The following PSMD13 variants were observed in gnomAD, a reference collection of about 807,000 sequenced individuals.
The protein encoded by PSMD13 is proteasome 26S subunit, non-ATPase 13, also known as 26S proteasome non-ATPase regulatory subunit 13.
Under a neutral mutation model 57.4 loss-of-function variants are expected in PSMD13, and 8 were observed. The ratio of observed to expected loss-of-function variants is 0.14; its 90% CI spans 0.08 to 0.25. PSMD13 has a LOEUF of 0.25. Among genes scored for constraint, PSMD13 ranks in the 10% least tolerant of loss-of-function variants. PSMD13 has a pLI of 1.00. For synonymous variants in PSMD13, 193 were observed against 168.2 expected, an observed-to-expected ratio of 1.15 and a Z score of -1.14; for missense variants, 400 against 461.5, an observed-to-expected ratio of 0.87 and a Z score of 1.22.
Position 248,314 on chromosome 11 carries a change from T to C in PSMD13, c.569-462T>C, listed in dbSNP as rs548410283. 4 of 167,768 alleles carry C rather than the reference T, an allele frequency of 2.4e-5. No homozygotes were observed. The East Asian group carries it at 6.6e-4, about 27-fold the overall frequency. 10.4% of individuals were successfully genotyped at this position (167,768 alleles called of 1,614,324 possible). ...TTGAAGCTAAGGAGACCAGCAACTC[T>C]TAACAGTGTTGATGCAGTTTTTATT... is the stretch of plus-strand genomic sequence containing the variant. On this transcript the variant is annotated intron_variant, in intron 7 of 12. Coordinates refer to ENST00000532097, the MANE Select transcript of PSMD13 (RefSeq NM_002817.4).
chr11:237,180 A>T lies in PSMD13; in HGVS notation c.95+36A>T, dbSNP rs376058802. 398 of 1,579,386 alleles carry T rather than the reference A, an allele frequency of 2.5e-4. 2 individuals carry two copies. In the African/African-American group the frequency reaches 4.8e-3, roughly 19 times the overall value. ...AGCAGACGGGCCCTGGGCCCCGGCG[A>T]TAGAGGGAGACGGAGGGGGCAGGCG... On this transcript the variant is annotated intron_variant, in intron 1 of 12. Coordinates refer to ENST00000532097, the MANE Select transcript of PSMD13 (RefSeq NM_002817.4).
intron 9 of PSMD13, 138 bp downstream of exon 9, chr11:249,195 C>G (rs1590253695): frequency 8.0e-7 from 1 of 1,243,402 alleles, no homozygotes; most frequent in African/African-American, 1.5e-5. Flanking sequence ...AGTCCTTGCT[C>G]TCATAGAGCA....
At chr11:248,595 T>C (rs910375893) in intron 7 of PSMD13, 181 bp from the exon 8 acceptor site, 1 of 621,958 alleles carries the variant, frequency 1.6e-6, no homozygotes, top group African/African-American at 1.8e-5. Flanking sequence ...CCCATGTATA[T>C]ATGGTTCTTG....
rs749635397 is a variant in PSMD13 at position 244,657 on chromosome 11, T to C, written c.310-18T>C. On this transcript the variant is annotated intron_variant, in intron 5 of 12. Coordinates refer to ENST00000532097, the MANE Select transcript of PSMD13 (RefSeq NM_002817.4). ...GCCCACATTCTGAGGTTTCTTGTTTTTGTTTTTGATGTCTTAGGTGAAAAG... is the reference window on the plus strand; with the variant it reads ...GCCCACATTCTGAGGTTTCTTGTTTCTGTTTTTGATGTCTTAGGTGAAAAG... 167 of 1,603,394 alleles carry C rather than the reference T, an allele frequency of 1.0e-4. No individual in the cohort carries two copies. The highest frequency in any genetic ancestry group is 1.4e-4 in the Non-Finnish European group (159 of 1,174,980).
Position 252,291 on chromosome 11 carries a change from G to A in PSMD13, c.1036-214G>A. ...CTGTGGATTTCCTCTGTCCTTGTCTGCTTTCTTTCATGCAAGTTTTTTCTA... is the reference window on the plus strand; with the variant it reads ...CTGTGGATTTCCTCTGTCCTTGTCTACTTTCTTTCATGCAAGTTTTTTCTA... On this transcript the variant is annotated intron_variant, in intron 12 of 12. Coordinates refer to ENST00000532097, the MANE Select transcript of PSMD13 (RefSeq NM_002817.4). The surrounding 1 kb of genome is among the most constrained non-coding windows in gnomAD (Gnocchi z 4.1). 1.8e-6 allele frequency: 1 copy of A among 554,068 alleles called. No homozygotes were observed. The allele number at this position is 554,068 out of a possible 1,614,324, so 34.3% of individuals were successfully genotyped here. A position where few individuals can be genotyped will look rare whatever the true frequency, so the allele number is the denominator to read the frequency against.
chr11:241,778 TCTGA>T (rs1859521167), intron 2 of PSMD13, among the ~76,000 whole-genome samples: 1 of 152,190 alleles, frequency 6.6e-6, no homozygotes, highest in Non-Finnish European at 1.5e-5. Flanking sequence ...AGTACTAGCC[TCTGA>T]CTGTTCTCTC....
In PSMD13 at chr11:251,773, G is replaced by A. The variant is rs1006972191; in HGVS notation, c.919-47G>A. On this transcript the variant is annotated intron_variant, in intron 11 of 12. Coordinates refer to ENST00000532097, the MANE Select transcript of PSMD13 (RefSeq NM_002817.4). The surrounding 1 kb of genome is among the most constrained non-coding windows in gnomAD (Gnocchi z 4.6). ...CTCACAAGCCATCTGGGTCCATGGG[G>A]GTGTGTCAGGCTATCTTGTCTTACA... The A allele has an allele frequency of 3.8e-6, 6 of 1,578,116 alleles. No homozygotes were observed. The highest frequency in any genetic ancestry group is 5.2e-6 in the Non-Finnish European group (6 of 1,149,480).
At chr11:248,543 C>A in intron 7 of PSMD13, 1 of 548,374 alleles carries the variant, frequency 1.8e-6, no homozygotes, top group Non-Finnish European at 3.2e-6. Flanking sequence ...AATAGATTCA[C>A]ATATATTTAG....
Position 244,229 on chromosome 11 carries a change from TTG to T in PSMD13, c.265+15_265+16del, listed in dbSNP as rs1219696421. 1.9e-6 allele frequency: 3 copies of T among 1,608,950 alleles called. No homozygotes were observed. The highest frequency in any genetic ancestry group is 2.5e-6 in the Non-Finnish European group (3 of 1,178,314). On this transcript the variant is annotated intron_variant, in intron 4 of 12. Coordinates refer to ENST00000532097, the MANE Select transcript of PSMD13 (RefSeq NM_002817.4). ...AGACAGATGACTGGTAAGTCTCACT[TTG>T]TTTTATAAAGGAGCAGATCCAAATG...
rs1859671196 is a variant in PSMD13 at position 247,358 on chromosome 11, A to G, written c.478A>G (p.Ser160Gly). 1 of 1,613,834 alleles carries G rather than the reference A, an allele frequency of 6.2e-7. No individual in the cohort carries two copies. The highest frequency in any genetic ancestry group is 8.5e-7 in the Non-Finnish European group (1 of 1,179,724). Residue 160 changes from serine (S) to glycine (G), a missense_variant, in exon 7 of 13, where the codon AGT (serine) becomes GGT (glycine). Coordinates refer to ENST00000532097, the MANE Select transcript of PSMD13 (RefSeq NM_002817.4). ...TCACAGTCGTTTCTATGATCTCTCC[A>G]GTAAATACTATCAAACAATCGGAAA... The part of the protein sequence containing the change: ...SVHSRFYDLS[S>G]KYYQTIGNHA...
intron 2 of PSMD13, among the ~76,000 whole-genome samples, chr11:239,613 C>T (rs947161682): frequency 4.6e-5 from 7 of 152,202 alleles, no homozygotes; most frequent in African/African-American, 7.2e-5. Context: ...TTTTGTACTT[C>T]GGTTGAGGGT....
intron 4 of PSMD13, 26 bp from the exon 5 acceptor site, chr11:244,400 C>G: frequency 6.2e-7 from 1 of 1,604,470 alleles, no homozygotes; most frequent in Non-Finnish European, 8.5e-7. Flanking sequence ...TGTTGATGGT[C>G]CTTCTGATTG....
At chr11:250,695 G>C (rs1859750460) in intron 9 of PSMD13, 108 bp from the exon 10 acceptor site, 1 of 928,532 alleles carries the variant, frequency 1.1e-6, no homozygotes, top group Non-Finnish European at 1.7e-6. Flanking sequence ...GATCTGCTTA[G>C]CTGGTTTTTG....
In PSMD13 at chr11:251,298, T is replaced by C; in HGVS notation, c.838-248T>C. On this transcript the variant is annotated intron_variant, in intron 10 of 12. Transcript: ENST00000532097. The surrounding 1 kb of genome is among the most constrained non-coding windows in gnomAD (Gnocchi z 4.6). ...AACCCTGGCAAATTGTGGCCTCAAGTACTTGTTCGGGGATTGAACAATGGC... is the reference window on the plus strand; with the variant it reads ...AACCCTGGCAAATTGTGGCCTCAAGCACTTGTTCGGGGATTGAACAATGGC... 1 of 515,146 alleles carries C rather than the reference T, an allele frequency of 1.9e-6. No individual in the cohort carries two copies. Among genetic ancestry groups the C allele is most frequent in the Non-Finnish European group, 3.4e-6 (1 of 290,678 alleles). 31.9% of individuals were successfully genotyped at this position (515,146 alleles called of 1,614,324 possible). A position where few individuals can be genotyped will look rare whatever the true frequency, so the allele number is the denominator to read the frequency against.
rs528792938 is a variant in PSMD13, at chr11:252,048, A to C, written c.1035+112A>C. 46 of 1,038,078 alleles carry C rather than the reference A, an allele frequency of 4.4e-5. No individual in the cohort carries two copies. In the South Asian group the frequency reaches 6.8e-4, roughly 15 times the overall value. 64.3% of individuals were successfully genotyped at this position (1,038,078 alleles called of 1,614,324 possible). On this transcript the variant is annotated intron_variant, in intron 12 of 12. Coordinates refer to ENST00000532097, the MANE Select transcript of PSMD13 (RefSeq NM_002817.4). The surrounding 1 kb of genome is among the most constrained non-coding windows in gnomAD (Gnocchi z 4.1). ...TTTGGGAAGACAGCATTATTAGACA[A>C]GAGGTTTTGGAGAAGGAAATACTGC... is the stretch of plus-strand genomic sequence containing the variant.
chr11:248,701 T>G, intron 7 of PSMD13, 75 bp from the exon 8 acceptor site: 1 of 1,391,786 alleles, frequency 7.2e-7, no homozygotes, highest in Non-Finnish European at 1.0e-6. Flanking sequence ...TACTTTTTGT[T>G]ATATGAGATT....
intron 2 of PSMD13, among the ~76,000 whole-genome samples, chr11:241,368 T>G (rs1218136510): frequency 5.3e-5 from 8 of 151,020 alleles, no homozygotes; most frequent in Non-Finnish European, 1.2e-4. Context: ...TGAACTCCTG[T>G]CCTCACGTGA....
At chr11:238,479 T>A (rs1019743174) in intron 1 of PSMD13, among the ~76,000 whole-genome samples, 1 of 152,236 alleles carries the variant, frequency 6.6e-6, no homozygotes, top group Non-Finnish European at 1.5e-5. Flanking sequence ...CCGTAGAGAC[T>A]GGTTAGTATG....
At position 252,334 on chromosome 11, in the gene PSMD13, A is replaced by T. The variant is rs991214334; in HGVS notation, c.1036-171A>T. 1 of 618,102 alleles carries T rather than the reference A, an allele frequency of 1.6e-6. No individual in the cohort carries two copies. The highest frequency in any genetic ancestry group is 2.8e-5 in the Admixed American group (1 of 35,446). 38.3% of individuals were successfully genotyped at this position (618,102 alleles called of 1,614,324 possible). ...TTTTTCTAACGTTCCTGTGAAAAGA[A>T]TTAACCCGGCAAGTCCCGTCCCACT... is the stretch of plus-strand genomic sequence containing the variant. On this transcript the variant is annotated intron_variant, in intron 12 of 12. Coordinates refer to ENST00000532097, the MANE Select transcript of PSMD13 (RefSeq NM_002817.4). The surrounding 1 kb of genome is among the most constrained non-coding windows in gnomAD (Gnocchi z 4.1).
Sources: gnomAD v4.1 joint callset for allele counts (sites outside exome capture counted in the v4.1 genomes callset) on GRCh38, gnomAD v4.1.1 for gene constraint, Gnocchi (gnomAD v3.1) non-coding constraint, MANE v1.5 for transcripts, NCBI Gene and HGNC (gene_info 2026-07-23, HGNC 2026-07-21) for gene names.